The following ADCY2 variants were observed in gnomAD, a reference collection of about 807,000 sequenced individuals.
ADCY2 encodes the protein adenylate cyclase type 2.
Under a neutral mutation model 125.2 loss-of-function variants are expected in ADCY2, and 31 were observed. That is an observed-to-expected ratio of 0.25 (90% CI 0.19 to 0.33). The LOEUF (loss-of-function observed/expected upper bound fraction) is 0.33, where lower values mean the gene tolerates loss of function less well. Among genes scored for constraint, ADCY2 ranks in the 10% least tolerant of loss-of-function variants. ADCY2 has a pLI of 1.00. For synonymous variants in ADCY2, 512 were observed against 548.4 expected (o/e 0.93, Z 0.93); for missense variants, 904 against 1,418.2 (o/e 0.64, Z 5.82).
At chr5:7,456,331 G>C (rs946248860) in intron 2 of ADCY2, among the ~76,000 whole-genome samples, 26 of 152,178 alleles carry the variant, frequency 1.7e-4, no homozygotes, top group African/African-American at 5.1e-4. Flanking sequence ...GTGATGATCT[G>C]TTGGATGCAC....
At chr5:7,752,477 A>AT (rs5865731) in intron 15 of ADCY2, among the ~76,000 whole-genome samples, 40 of 150,724 alleles carry the variant, frequency 2.7e-4, no homozygotes, top group African/African-American at 3.7e-4. Context: ...ACTTTTCTGG[A>AT]TTTTTTTTTT....
chr5:7,749,967 C>T lies in ADCY2; in HGVS notation c.1956+6215C>T, dbSNP rs150005975. Among the ~76,000 whole-genome samples the T allele has an allele frequency of 1.3e-3, 192 of 152,222 alleles. 1 individual carries two copies. Among genetic ancestry groups the T allele is most frequent in the African/African-American group, 4.4e-3 (181 of 41,538 alleles). Reference sequence around the variant, plus strand: ...TTTTGGTTAGTATTTGCCTGGTGTTCCTTGTTCCATCTTTCTACTTTCAGC... The same window carrying T: ...TTTTGGTTAGTATTTGCCTGGTGTTTCTTGTTCCATCTTTCTACTTTCAGC... On this transcript the variant is annotated intron_variant, in intron 15 of 24. Transcript: ENST00000338316.
chr5:7,583,572 T>C lies in ADCY2; in HGVS notation c.571-42595T>C, dbSNP rs1194395665. On this transcript the variant is annotated intron_variant, in intron 3 of 24. Transcript: ENST00000338316. ...CCAGAATGAGATAACACTACCCATA[T>C]ATCAAAATGACTCAATTTAAAAGAA... 2.6e-5 allele frequency among the ~76,000 whole-genome samples: 4 copies of C among 152,178 alleles called. No individual in the cohort carries two copies. In the South Asian group the frequency reaches 8.3e-4, roughly 32 times the overall value.
At chr5:7,722,960 C>CAAAAAAA (rs60426818) in intron 12 of ADCY2, among the ~76,000 whole-genome samples, 3 of 51,668 alleles carry the variant, frequency 5.8e-5, no homozygotes, top group African/African-American at 2.3e-4. Context: ...AACTCCATCT[C>CAAAAAAA]AAAAAAAAAA....
At position 7,695,748 on chromosome 5, in the gene ADCY2, A is replaced by G; in HGVS notation, c.870-4A>G. 1 of 1,596,000 alleles carries G rather than the reference A, an allele frequency of 6.3e-7. No homozygotes were observed. Among genetic ancestry groups the G allele is most frequent in the Non-Finnish European group, 8.5e-7 (1 of 1,170,292 alleles). ...CTGTCTCCTCACCTCCTTTCTTCCC[A>G]CAGCATCTTATACGCTGACATCGTT... On this transcript the variant is annotated splice_region_variant and splice_polypyrimidine_tract_variant and intron_variant, in intron 5 of 24. Coordinates refer to ENST00000338316, the MANE Select transcript of ADCY2 (RefSeq NM_020546.3).
chr5:7,476,650 A>T (rs1174847231), intron 2 of ADCY2, among the ~76,000 whole-genome samples: 6 of 152,098 alleles, frequency 3.9e-5, no homozygotes. Context: ...AGAGATCCAG[A>T]TTTCCCAAAA....
chr5:7,760,561 G>C (rs995138664), intron 16 of ADCY2, among the ~76,000 whole-genome samples: 1 of 152,178 alleles, frequency 6.6e-6, no homozygotes, highest in East Asian at 1.9e-4. Context: ...GCCAGTAGCA[G>C]CACATATGAG....
intron 2 of ADCY2, among the ~76,000 whole-genome samples, chr5:7,475,752 C>T (rs772071534): frequency 1.6e-4 from 25 of 152,142 alleles, no homozygotes; most frequent in Admixed American, 5.2e-4. Context: ...AAGTCAAGAG[C>T]AGCTCCCAGG....
intron 3 of ADCY2, among the ~76,000 whole-genome samples, chr5:7,548,050 C>G (rs1735205115): frequency 6.6e-6 from 1 of 152,220 alleles, no homozygotes; most frequent in Non-Finnish European, 1.5e-5. Context: ...TAAGCTGAAA[C>G]TGCTGCTGCT....
chr5:7,689,221 C>T (rs183403241), intron 4 of ADCY2, among the ~76,000 whole-genome samples: 16 of 152,188 alleles, frequency 1.1e-4, no homozygotes, highest in Admixed American at 3.3e-4. Context: ...TGCTGTCAGA[C>T]GAGACTAGAT....
chr5:7,806,154 A>G (rs1333757854), intron 22 of ADCY2, among the ~76,000 whole-genome samples: 2 of 152,144 alleles, frequency 1.3e-5, no homozygotes, highest in Non-Finnish European at 2.9e-5. Flanking sequence ...AATTGAAAAA[A>G]TGTAAAATCG....
intron 3 of ADCY2, among the ~76,000 whole-genome samples, chr5:7,551,726 A>AT (rs918506642): frequency 2.6e-5 from 4 of 152,150 alleles, no homozygotes; most frequent in African/African-American, 9.7e-5. Context: ...GGCAGATTGT[A>AT]TTTTTGTAGG....
intron 2 of ADCY2, among the ~76,000 whole-genome samples, chr5:7,517,098 A>G (rs545284234): frequency 6.6e-6 from 1 of 152,280 alleles, no homozygotes; most frequent in African/African-American, 2.4e-5. Context: ...CTTGAGATGC[A>G]AGTAGAAGAT....
chr5:7,634,849 T>C (rs1004402509), intron 4 of ADCY2, among the ~76,000 whole-genome samples: 1 of 152,090 alleles, frequency 6.6e-6, no homozygotes, highest in African/African-American at 2.4e-5. Flanking sequence ...CATAATTTCA[T>C]GAGAAGATAT....
chr5:7,664,952 G>T (rs1739662669), intron 4 of ADCY2, among the ~76,000 whole-genome samples: 1 of 152,136 alleles, frequency 6.6e-6, no homozygotes, highest in Admixed American at 6.5e-5. Flanking sequence ...ACCACAAAAT[G>T]TTTAAATTTA....
intron 2 of ADCY2, among the ~76,000 whole-genome samples, chr5:7,506,506 T>C (rs1274693920): frequency 6.6e-6 from 1 of 152,140 alleles, no homozygotes; most frequent in Non-Finnish European, 1.5e-5. Context: ...ATGGTTACCA[T>C]TGCCCGAGAA....
At chr5:7,702,632 G>T (rs1389706845) in intron 7 of ADCY2, among the ~76,000 whole-genome samples, 2 of 152,164 alleles carry the variant, frequency 1.3e-5, no homozygotes, top group East Asian at 3.8e-4. Flanking sequence ...TATCACTGAT[G>T]GACATTTGGG....
At chr5:7,700,567 G>T (rs570357087) in intron 7 of ADCY2, among the ~76,000 whole-genome samples, 2 of 151,440 alleles carry the variant, frequency 1.3e-5, no homozygotes, top group Admixed American at 6.6e-5. Flanking sequence ...CTTGTCTCAG[G>T]ATTAAAGTAG....
chr5:7,495,330 C>T (rs1309552878), intron 2 of ADCY2, among the ~76,000 whole-genome samples: 5 of 152,164 alleles, frequency 3.3e-5, no homozygotes, highest in Admixed American at 2.6e-4. Context: ...TCAGGAATTT[C>T]GAGCTTCATT....
Sources: allele counts gnomAD v4.1 joint callset (sites outside exome capture counted in the v4.1 genomes callset), GRCh38; gene constraint gnomAD v4.1.1; transcripts MANE v1.5; gene names NCBI Gene and HGNC (gene_info 2026-07-23, HGNC 2026-07-21).